Variants in ENOX1 observed in about 807,000 individuals in gnomAD.
The protein encoded by ENOX1 is candidate growth-related and time keeping constitutive hydroquinone (NADH) oxidase.
ENOX1 carries 42 observed loss-of-function variants against 82.5 expected under a neutral mutation model. The observed-to-expected ratio is 0.51, with a 90% CI of 0.40 to 0.66. The LOEUF (loss-of-function observed/expected upper bound fraction) is 0.66. Among genes scored for constraint, ENOX1 ranks in the 30% least tolerant of loss-of-function variants. The probability of loss-of-function intolerance (pLI) is 0.00; values close to 1 mark genes in which losing one functional copy is unlikely to be tolerated. For missense variants in ENOX1, 608 were observed against 811.6 expected, an observed-to-expected ratio of 0.75 and a Z score of 3.05; for synonymous variants, 271 against 282.2, an observed-to-expected ratio of 0.96 and a Z score of 0.40.
intron 3 of ENOX1, among the ~76,000 whole-genome samples, chr13:43,447,552 C>T (rs1445168178): frequency 6.6e-6 from 1 of 151,838 alleles, no homozygotes; most frequent in Non-Finnish European, 1.5e-5. Flanking sequence ...ATTCTCTGGA[C>T]CTTTGGGTTT....
intron 1 of ENOX1, among the ~76,000 whole-genome samples, chr13:43,757,333 G>A (rs961911997): frequency 1.3e-5 from 2 of 152,168 alleles, no homozygotes; most frequent in Non-Finnish European, 2.9e-5. Flanking sequence ...AGGATACAGG[G>A]GGAGTGAAAG....
At chr13:43,269,667 A>T in intron 12 of ENOX1, 90 bp from the exon 13 acceptor site, 1 of 1,023,328 alleles carries the variant, frequency 9.8e-7, no homozygotes, top group Admixed American at 1.8e-5. Context: ...TTATGAGTAG[A>T]AGATGTTTAC....
intron 3 of ENOX1, among the ~76,000 whole-genome samples, chr13:43,470,267 TATAC>T (rs1566305119): frequency 6.7e-5 from 3 of 44,696 alleles, no homozygotes; most frequent in African/African-American, 1.8e-4. Flanking sequence ...TATACATATA[TATAC>T]ACATATATAT....
chr13:43,448,565 A>C (rs2056783677), intron 3 of ENOX1, among the ~76,000 whole-genome samples: 1 of 152,246 alleles, frequency 6.6e-6, no homozygotes, highest in South Asian at 2.1e-4. Flanking sequence ...AAAAAGCAAA[A>C]GAAACAGGAA....
chr13:43,344,070 G>A (rs942485320), intron 9 of ENOX1, among the ~76,000 whole-genome samples: 1 of 152,174 alleles, frequency 6.6e-6, no homozygotes, highest in Non-Finnish European at 1.5e-5. Flanking sequence ...GACAGCCACA[G>A]CTCCCCCAGA....
At chr13:43,762,563 G>A (rs1566894911) in intron 1 of ENOX1, among the ~76,000 whole-genome samples, 2 of 152,266 alleles carry the variant, frequency 1.3e-5, no homozygotes, top group East Asian at 1.9e-4. Context: ...GAAAGAAATG[G>A]AGAAGCACAA....
rs1276515212 is a variant in ENOX1 at position 43,484,164 on chromosome 13, G to GA, written c.-218-13dup. The GA allele has an allele frequency of 5.1e-6, 5 of 985,204 alleles. No individual in the cohort carries two copies. In the African/African-American group the frequency reaches 8.7e-5, roughly 17 times the overall value. 61.0% of individuals were successfully genotyped at this position (985,204 alleles called of 1,614,324 possible). A position where few individuals can be genotyped will look rare whatever the true frequency, so the allele number is the denominator to read the frequency against. ...CATATCAGAGGCTTCTGGAAGCAAAGAAAAGCACACCGTTAGGATATGTCT... is the reference window on the plus strand; with the variant it reads ...CATATCAGAGGCTTCTGGAAGCAAAGAAAAAGCACACCGTTAGGATATGTCT... On this transcript the variant is annotated splice_polypyrimidine_tract_variant and intron_variant, in intron 2 of 16. Transcript: ENST00000690772.
chr13:43,509,653 C>T (rs1194122717), intron 2 of ENOX1, among the ~76,000 whole-genome samples: 1 of 151,912 alleles, frequency 6.6e-6, no homozygotes, highest in Non-Finnish European at 1.5e-5. Flanking sequence ...GACAAATGTC[C>T]AAATAAGAAA....
At position 43,756,402 on chromosome 13, in the gene ENOX1, C is replaced by T. The variant is rs558775006; in HGVS notation, c.-285+30250G>A. On this transcript the variant is annotated intron_variant, in intron 1 of 16. Transcript: ENST00000690772. ...GAACCGGGATCGTACCACTGCACTC[C>T]GGCCTGGGCGACAGAGCGAGACCCT... 2.8e-5 allele frequency among the ~76,000 whole-genome samples: 4 copies of T among 144,420 alleles called. No homozygotes were observed. In the South Asian group the frequency reaches 7.2e-4, roughly 26 times the overall value. 94.7% of individuals were successfully genotyped at this position (144,420 alleles called of 152,430 possible).
chr13:43,329,694 A>G (rs2048317430), intron 9 of ENOX1, among the ~76,000 whole-genome samples: 1 of 152,196 alleles, frequency 6.6e-6, no homozygotes, highest in Non-Finnish European at 1.5e-5. Flanking sequence ...TTATGAACTT[A>G]TACACTTTTT....
chr13:43,397,983 T>C (rs946985655), intron 5 of ENOX1, among the ~76,000 whole-genome samples: 3 of 152,314 alleles, frequency 2.0e-5, no homozygotes, highest in Non-Finnish European at 4.4e-5. Context: ...TCTTCTCATT[T>C]CGTCTTTACA....
chr13:43,276,082 A>G (rs1285227410), intron 12 of ENOX1, among the ~76,000 whole-genome samples: 1 of 152,174 alleles, frequency 6.6e-6, no homozygotes, highest in Non-Finnish European at 1.5e-5. Context: ...TTCAGTTTTA[A>G]TAACTGTTGT....
intron 9 of ENOX1, among the ~76,000 whole-genome samples, chr13:43,341,945 G>C (rs1391628943): frequency 2.0e-5 from 3 of 152,166 alleles, no homozygotes; most frequent in Admixed American, 2.0e-4. Flanking sequence ...CTATAATGAC[G>C]CAACTCCTTC....
intron 14 of ENOX1, among the ~76,000 whole-genome samples, chr13:43,241,193 C>A (rs548437663): frequency 6.6e-6 from 1 of 152,220 alleles, no homozygotes; most frequent in African/African-American, 2.4e-5. Context: ...TCTCTCCACC[C>A]CAAATCTCTA....
intron 14 of ENOX1, among the ~76,000 whole-genome samples, chr13:43,242,993 G>A (rs1037197970): frequency 2.6e-5 from 4 of 152,012 alleles, no homozygotes; most frequent in African/African-American, 9.7e-5. Flanking sequence ...AAAATTAGCC[G>A]AGCGTGGTAG....
chr13:43,663,274 G>A (rs2084820112), intron 2 of ENOX1, among the ~76,000 whole-genome samples: 1 of 152,140 alleles, frequency 6.6e-6, no homozygotes, highest in Admixed American at 6.6e-5. Context: ...ATGTGTCAAA[G>A]GACCTTCAAG....
chr13:43,361,489 T>A, intron 5 of ENOX1, 37 bp from the exon 6 acceptor site: 3 of 1,564,112 alleles, frequency 1.9e-6, no homozygotes, highest in Non-Finnish European at 2.6e-6. Flanking sequence ...GACTGGAGAT[T>A]AAATCCATTT....
chr13:43,307,420 T>C (rs1157402192), intron 11 of ENOX1, among the ~76,000 whole-genome samples: 1 of 152,144 alleles, frequency 6.6e-6, no homozygotes, highest in African/African-American at 2.4e-5. Context: ...TTCAGCAAGT[T>C]TCTAGGGTGA....
chr13:43,496,368 A>G (rs910167299), intron 2 of ENOX1, among the ~76,000 whole-genome samples: 2 of 151,880 alleles, frequency 1.3e-5, no homozygotes, highest in Admixed American at 1.3e-4. Flanking sequence ...TGCTCTAGCA[A>G]TTGGCTCTTT....
Sources: gnomAD v4.1 joint callset for allele counts (sites outside exome capture counted in the v4.1 genomes callset) on GRCh38, gnomAD v4.1.1 for gene constraint, MANE v1.5 for transcripts, NCBI Gene and HGNC (gene_info 2026-07-23, HGNC 2026-07-21) for gene names.